PALM2AKAP2: variants seen among roughly 807,000 people sequenced by gnomAD.
PALM2AKAP2 encodes the protein PALM2-AKAP2 fusion protein.
A neutral mutation model predicts 71.5 loss-of-function variants in PALM2AKAP2; 37 were observed. That is an observed-to-expected ratio of 0.52 (90% CI 0.40 to 0.68). The LOEUF (loss-of-function observed/expected upper bound fraction) is 0.68, where lower values mean the gene tolerates loss of function less well. Ranked by LOEUF, PALM2AKAP2 falls within the 30% of genes least tolerant of loss-of-function variation. The pLI is 0.00. For synonymous variants in PALM2AKAP2, 468 were observed against 478.8 expected (o/e 0.98, Z 0.29); for missense variants, 1,224 against 1,191.8 (o/e 1.03, Z -0.40).
intron 1 of PALM2AKAP2, among the ~76,000 whole-genome samples, chr9:109,805,175 G>A (rs894942982): frequency 6.6e-6 from 1 of 152,148 alleles, no homozygotes; most frequent in Non-Finnish European, 1.5e-5. Context: ...AAGGGGATAA[G>A]GGGTCATTGA....
chr9:109,909,482 A>C (rs896319898), intron 3 of PALM2AKAP2, among the ~76,000 whole-genome samples: 9 of 152,218 alleles, frequency 5.9e-5, no homozygotes, highest in African/African-American at 1.9e-4. Context: ...ACTTTCAATG[A>C]GGCAGGTTCC....
intron 1 of PALM2AKAP2, among the ~76,000 whole-genome samples, chr9:109,829,354 T>C (rs1828237676): frequency 6.6e-6 from 1 of 152,134 alleles, no homozygotes; most frequent in Non-Finnish European, 1.5e-5. Flanking sequence ...CATTTATTAT[T>C]TCCTCTCCTG....
intron 1 of PALM2AKAP2, among the ~76,000 whole-genome samples, chr9:109,844,669 G>A (rs748880663): frequency 1.1e-4 from 17 of 152,272 alleles, no homozygotes; most frequent in African/African-American, 1.4e-4. Context: ...GAGTACACAC[G>A]TGCTCTCACA....
At chr9:109,892,313 C>T (rs1468599613) in intron 3 of PALM2AKAP2, among the ~76,000 whole-genome samples, 1 of 152,170 alleles carries the variant, frequency 6.6e-6, no homozygotes, top group Non-Finnish European at 1.5e-5. Flanking sequence ...GTCTCTGTGT[C>T]TTCTCCTTTG....
chr9:109,823,739 T>G (rs1320667389), intron 1 of PALM2AKAP2, among the ~76,000 whole-genome samples: 1 of 152,210 alleles, frequency 6.6e-6, no homozygotes, highest in East Asian at 1.9e-4. Context: ...ACTGGCCCAT[T>G]TCCTAGCAGG....
In PALM2AKAP2 at chr9:110,125,466, C is replaced by T. The variant is rs539257253; in HGVS notation, c.157-10661C>T. ...TTTTAGGGAGCAGAGGGAGGGCCCA[C>T]GGTGACATCACAGTCTTCCGTCAGG... On this transcript the variant is annotated intron_variant, in intron 1 of 3. Coordinates refer to ENST00000374525, the Ensembl canonical transcript of PALM2AKAP2. 1.7e-5 allele frequency: 17 copies of T among 979,670 alleles called. No individual in the cohort carries two copies. In the East Asian group the frequency reaches 4.6e-4, roughly 26 times the overall value. The allele number at this position is 979,670 out of a possible 1,614,324, so 60.7% of individuals were successfully genotyped here.
At chr9:110,026,386 CT>C (rs1159231730) in intron 7 of PALM2AKAP2, among the ~76,000 whole-genome samples, 3 of 152,170 alleles carry the variant, frequency 2.0e-5, no homozygotes, top group African/African-American at 7.2e-5. Context: ...GCGATTATCT[CT>C]CTTTTCTATT....
intron 6 of PALM2AKAP2, chr9:109,943,179 A>G (rs1381164244): frequency 6.2e-7 from 1 of 1,614,256 alleles, no homozygotes; most frequent in Non-Finnish European, 8.5e-7. Context: ...AAAAGGTGCT[A>G]GGCTATGATG....
chr9:110,035,601 T>C lies in PALM2AKAP2; in HGVS notation c.582+19562T>C, dbSNP rs375212961. On this transcript the variant is annotated intron_variant, in intron 7 of 9. Transcript: ENST00000302798. ...TGTTATATATAACATATATAGGATATGTTGTGTGTTATATATAACATATAT... is the reference window on the plus strand; with the variant it reads ...TGTTATATATAACATATATAGGATACGTTGTGTGTTATATATAACATATAT... Among the ~76,000 whole-genome samples, 57 of 140,212 alleles carry C rather than the reference T, an allele frequency of 4.1e-4. No individual in the cohort carries two copies. In the South Asian group the frequency reaches 0.012, roughly 30 times the overall value. 92.0% of individuals were successfully genotyped at this position (140,212 alleles called of 152,430 possible). A position where few individuals can be genotyped will look rare whatever the true frequency, so the allele number is the denominator to read the frequency against.
chr9:109,754,766 C>T (rs1828933911), intron 1 of PALM2AKAP2, among the ~76,000 whole-genome samples: 1 of 152,150 alleles, frequency 6.6e-6, no homozygotes, highest in Non-Finnish European at 1.5e-5. Context: ...TATATGGGCA[C>T]TAATCTCATC....
chr9:109,792,500 C>T (rs1352643479), intron 1 of PALM2AKAP2, among the ~76,000 whole-genome samples: 1 of 152,108 alleles, frequency 6.6e-6, no homozygotes, highest in Admixed American at 6.5e-5. Flanking sequence ...CACTGGTATA[C>T]TCAGGCAACA....
intron 2 of PALM2AKAP2, among the ~76,000 whole-genome samples, chr9:110,144,624 A>G (rs1158529902): frequency 6.6e-6 from 1 of 152,232 alleles, no homozygotes; most frequent in East Asian, 1.9e-4. Flanking sequence ...ACATACTATT[A>G]TTTAACACAA....
chr9:109,667,398 G>A (rs932606834), intron 1 of PALM2AKAP2, among the ~76,000 whole-genome samples: 3 of 101,148 alleles, frequency 3.0e-5, no homozygotes, highest in Non-Finnish European at 6.3e-5. Context: ...CAGAAAGACA[G>A]GACAGACCTA....
At chr9:109,875,421 C>T (rs932080926) in intron 2 of PALM2AKAP2, among the ~76,000 whole-genome samples, 1 of 152,182 alleles carries the variant, frequency 6.6e-6, no homozygotes, top group African/African-American at 2.4e-5. Context: ...ACTTGCCTGT[C>T]TTCCTGAGCT....
intron 6 of PALM2AKAP2, among the ~76,000 whole-genome samples, chr9:109,987,887 G>A (rs1832409723): frequency 6.6e-6 from 1 of 152,222 alleles, no homozygotes; most frequent in African/African-American, 2.4e-5. Flanking sequence ...TTCTTCATCT[G>A]TGTCTCTTTT....
At chr9:109,801,259 C>G (rs960094962) in intron 1 of PALM2AKAP2, among the ~76,000 whole-genome samples, 2 of 152,120 alleles carry the variant, frequency 1.3e-5, no homozygotes, top group African/African-American at 2.4e-5. Context: ...GGGGAAGATA[C>G]CCCCAGGGAT....
intron 7 of PALM2AKAP2, among the ~76,000 whole-genome samples, chr9:110,039,806 A>G (rs886664614): frequency 6.6e-6 from 1 of 152,168 alleles, no homozygotes; most frequent in Admixed American, 6.6e-5. Flanking sequence ...ACTTGGACTC[A>G]TCAACGCCTG....
intron 1 of PALM2AKAP2, among the ~76,000 whole-genome samples, chr9:109,756,634 T>C (rs1038533465): frequency 2.6e-5 from 4 of 152,176 alleles, no homozygotes; most frequent in Non-Finnish European, 4.4e-5. Context: ...CCATGTGGAG[T>C]TTATCTGAGT....
intron 1 of PALM2AKAP2, among the ~76,000 whole-genome samples, chr9:109,687,329 T>C (rs1827820225): frequency 6.6e-6 from 1 of 152,250 alleles, no homozygotes; most frequent in East Asian, 1.9e-4. Flanking sequence ...CTTCTTCTAA[T>C]AGAAGGCTGT....
Sources: gnomAD v4.1 joint callset for allele counts (sites outside exome capture counted in the v4.1 genomes callset) on GRCh38, gnomAD v4.1.1 for gene constraint, MANE v1.5 for transcripts, NCBI Gene and HGNC (gene_info 2026-07-23, HGNC 2026-07-21) for gene names.